Variants in CT55 observed in about 807,000 individuals in gnomAD.
The protein encoded by CT55 is BRCA2-interacting protein.
A neutral mutation model predicts 12.6 loss-of-function variants in CT55; 1 was observed. That is an observed-to-expected ratio of 0.08 (90% CI 0.03 to 0.38). CT55 has a LOEUF of 0.38. CT55 is among the 10% of genes least tolerant of loss of function. CT55 has a pLI of 0.99. For synonymous variants in CT55, 43 were observed against 49.7 expected, an observed-to-expected ratio of 0.87 and a Z score of 0.57; for missense variants, 109 against 135.4, an observed-to-expected ratio of 0.80 and a Z score of 0.97.
chrX:135,158,192 A>T lies in CT55; in HGVS notation c.537+7T>A, dbSNP rs781998123. On this transcript the variant is annotated splice_region_variant and intron_variant, in intron 4 of 5. Transcript: ENST00000276241. ...ACTGCTGACGGGAGCAACAGGAAAG[A>T]AATTACCTCTTCCGTATGAATACAA... is the stretch of plus-strand genomic sequence containing the variant. The T allele has an allele frequency of 2.0e-5, 23 of 1,144,599 alleles. No homozygotes were observed. Among genetic ancestry groups the T allele is most frequent in the Non-Finnish European group, 2.5e-5 (21 of 836,485 alleles). 94.3% of individuals were successfully genotyped at this position (1,144,599 alleles called of 1,213,427 possible).
At chrX:135,170,068 G>A (rs1260812934) in intron 1 of CT55, among the ~76,000 whole-genome samples, 1 of 111,507 alleles carries the variant, frequency 9.0e-6, no homozygotes, top group Admixed American at 9.4e-5. Context: ...GTGCAGTGGC[G>A]CAATCTGGGC....
intron 2 of CT55, among the ~76,000 whole-genome samples, chrX:135,168,308 G>A (rs1282822804): frequency 1.8e-5 from 2 of 111,954 alleles, no homozygotes; most frequent in Admixed American, 9.5e-5. Flanking sequence ...GGATGAACCT[G>A]GAGAATGATA....
chrX:135,159,786 C>T lies in CT55; in HGVS notation c.424+625G>A, dbSNP rs191526164. On this transcript the variant is annotated intron_variant, in intron 3 of 5. Transcript: ENST00000276241. Reference sequence around the variant, plus strand: ...CCCAAGAAAACAAACTAGCAAGCTGCCTGGGGAAGCGGAGCTAATCTCTCC... The same window carrying T: ...CCCAAGAAAACAAACTAGCAAGCTGTCTGGGGAAGCGGAGCTAATCTCTCC... Among the ~76,000 whole-genome samples the T allele has an allele frequency of 4.8e-4, 54 of 111,734 alleles. No individual in the cohort carries two copies. The East Asian group carries it at 0.011, about 23-fold the overall frequency.
At chrX:135,170,699 C>G (rs1322461854) in intron 1 of CT55, among the ~76,000 whole-genome samples, 3 of 111,358 alleles carry the variant, frequency 2.7e-5, no homozygotes, top group Non-Finnish European at 5.7e-5. Context: ...TATGAGGCAT[C>G]AACTTGGCTT....
chrX:135,170,660 T>C (rs1603274890), intron 1 of CT55, among the ~76,000 whole-genome samples: 1 of 110,842 alleles, frequency 9.0e-6, no homozygotes, highest in East Asian at 2.8e-4. Flanking sequence ...CCGGCAGGGG[T>C]TCTCTGCCTT....
At chrX:135,158,424 G>T in intron 3 of CT55, 113 bp from the exon 4 acceptor site, 1 of 453,272 alleles carries the variant, frequency 2.2e-6, no homozygotes, top group Non-Finnish European at 3.8e-6. Context: ...TAAATCTAAA[G>T]TCCATTTTGT....
rs75939811 is a variant in CT55 at position 135,170,305 on chromosome X, C to T, written c.95-527G>A. On this transcript the variant is annotated intron_variant, in intron 1 of 5. Coordinates refer to ENST00000276241, the MANE Select transcript of CT55 (RefSeq NM_001031705.3). The stretch of plus-strand genomic sequence containing the variant: ...TACAGGTGTGAGCCACCGCGCCCAG[C>T]TTACGAATATTAACTGACACATGCA... Among the ~76,000 whole-genome samples the T allele has an allele frequency of 0.014, 1,524 of 112,680 alleles. 57 individuals are homozygous for T. In the East Asian group the frequency reaches 0.19, roughly 14 times the overall value.
chrX:135,164,526 C>T (rs1196524922), intron 2 of CT55, among the ~76,000 whole-genome samples: 1 of 111,534 alleles, frequency 9.0e-6, no homozygotes, highest in Admixed American at 9.5e-5. Flanking sequence ...AAGAAATTAC[C>T]TACAAAATAG....
At chrX:135,171,595 T>C (rs1231004873), upstream of CT55, among the ~76,000 whole-genome samples, 6 of 111,695 alleles carry the variant, frequency 5.4e-5, no homozygotes, top group African/African-American at 2.0e-4. Context: ...ACTAAGGAGA[T>C]ACAGGGCTCT....
intron 3 of CT55, among the ~76,000 whole-genome samples, chrX:135,159,925 AACACACACACAC>A (rs57481039): frequency 9.5e-6 from 1 of 105,406 alleles, no homozygotes; most frequent in African/African-American, 3.4e-5. Context: ...ATTCAACAAC[AACACACACACAC>A]ACACACACAC....
chrX:135,168,123 C>G (rs782313071), intron 2 of CT55, among the ~76,000 whole-genome samples: 2 of 112,090 alleles, frequency 1.8e-5, no homozygotes, highest in South Asian at 7.4e-4. Flanking sequence ...ATCAGTGTGT[C>G]AAAGAGATGT....
chrX:135,171,729 T>C (rs1179333816), upstream of CT55, among the ~76,000 whole-genome samples: 1 of 111,358 alleles, frequency 9.0e-6, no homozygotes, highest in African/African-American at 3.3e-5. Context: ...CGGTCAATAG[T>C]TACTCCTCAC....
At chrX:135,170,732 T>C (rs1569482350) in intron 1 of CT55, among the ~76,000 whole-genome samples, 1 of 111,772 alleles carries the variant, frequency 8.9e-6, no homozygotes, top group Non-Finnish European at 1.9e-5. Flanking sequence ...CCGTTTGGGA[T>C]ACAAGCCTAA....
intron 2 of CT55, among the ~76,000 whole-genome samples, chrX:135,168,918 A>T (rs2083598638): frequency 8.9e-6 from 1 of 112,235 alleles, no homozygotes; most frequent in South Asian, 3.7e-4. Context: ...ACTTACTGTA[A>T]TCTCATGAAG....
intron 2 of CT55, among the ~76,000 whole-genome samples, chrX:135,160,950 G>A (rs573775580): frequency 4.5e-5 from 5 of 111,419 alleles, no homozygotes; most frequent in Non-Finnish European, 9.4e-5. Flanking sequence ...TCTAGAGGGA[G>A]AACATTTCAG....
At chrX:135,165,767 G>A (rs1240829929) in intron 2 of CT55, among the ~76,000 whole-genome samples, 3 of 109,978 alleles carry the variant, frequency 2.7e-5, no homozygotes, top group East Asian at 2.8e-4. Flanking sequence ...AAAACAAAAC[G>A]TATCATAAGG....
chrX:135,164,405 A>G (rs1382849248), intron 2 of CT55, among the ~76,000 whole-genome samples: 2 of 112,153 alleles, frequency 1.8e-5, no homozygotes, highest in Non-Finnish European at 3.8e-5. Context: ...ATCCACAAAG[A>G]AAAACATCCT....
At chrX:135,165,207 G>A (rs1295273416) in intron 2 of CT55, among the ~76,000 whole-genome samples, 3 of 112,027 alleles carry the variant, frequency 2.7e-5, no homozygotes, top group Non-Finnish European at 5.6e-5. Flanking sequence ...GCAAATTAAG[G>A]GAATTTGAAA....
intron 1 of CT55, among the ~76,000 whole-genome samples, chrX:135,170,283 A>G (rs2083605244): frequency 8.9e-6 from 1 of 112,654 alleles, no homozygotes; most frequent in Non-Finnish European, 1.9e-5. Flanking sequence ...CTGGGATTAC[A>G]GGTGTGAGCC....
Sources: allele counts gnomAD v4.1 joint callset (sites outside exome capture counted in the v4.1 genomes callset), GRCh38; gene constraint gnomAD v4.1.1; transcripts MANE v1.5; gene names NCBI Gene and HGNC (gene_info 2026-07-23, HGNC 2026-07-21).